The following FAM177A1 variants were observed in gnomAD, a reference collection of about 807,000 sequenced individuals.
The protein encoded by FAM177A1 is protein FAM177A1.
FAM177A1 carries 22 observed loss-of-function variants against 26.1 expected under a neutral mutation model. That is an observed-to-expected ratio of 0.84 (90% confidence interval 0.60 to 1.20). FAM177A1 has a LOEUF of 1.20. Ranked by LOEUF, FAM177A1 falls within the 50% of genes most tolerant of loss-of-function variation. The probability of loss-of-function intolerance (pLI) is 0.00; values close to 1 mark genes in which losing one functional copy is unlikely to be tolerated. For synonymous variants in FAM177A1, 95 were observed against 99.3 expected, an observed-to-expected ratio of 0.96 and a Z score of 0.26; for missense variants, 296 against 291.1, an observed-to-expected ratio of 1.02 and a Z score of -0.12.
chr14:35,053,061 A>T lies in FAM177A1; in HGVS notation c.166-217A>T, dbSNP rs10135138. 2.7e-3 allele frequency: 1,260 copies of T among 465,332 alleles called. 18 individuals are homozygous for T. The highest frequency in any genetic ancestry group is 0.023 in the African/African-American group (1,149 of 50,528). The allele number at this position is 465,332 out of a possible 1,614,324, so 28.8% of individuals were successfully genotyped here. On this transcript the variant is annotated intron_variant, in intron 1 of 4. Transcript: ENST00000280987. The stretch of plus-strand genomic sequence containing the variant: ...ATACAATGCTGATAATCTGCTTTCC[A>T]GATTTGGTTTACAAATGGTGGGTTT...
chr14:35,053,731 C>G (rs1436604104), intron 2 of FAM177A1, among the ~76,000 whole-genome samples: 1 of 152,262 alleles, frequency 6.6e-6, no homozygotes, highest in East Asian at 1.9e-4. Context: ...GTGGCTCACA[C>G]CTGTAATCCC....
intron 2 of FAM177A1, among the ~76,000 whole-genome samples, chr14:35,061,625 A>G (rs1259010864): frequency 4.5e-3 from 135 of 30,058 alleles, no homozygotes; most frequent in Admixed American, 8.0e-3. Context: ...GGGTGGGGGG[A>G]GGGGGGAGGG....
intron 2 of FAM177A1, among the ~76,000 whole-genome samples, chr14:35,069,537 G>A (rs1009903825): frequency 1.3e-5 from 2 of 151,742 alleles, no homozygotes; most frequent in Admixed American, 1.3e-4. Flanking sequence ...TGCCTGCCTC[G>A]GCCTCCCAAA....
chr14:35,051,446 T>C (rs1019915513), intron 1 of FAM177A1, among the ~76,000 whole-genome samples: 1 of 152,138 alleles, frequency 6.6e-6, no homozygotes, highest in African/African-American at 2.4e-5. Flanking sequence ...ACAGTCTGGC[T>C]CTGTTGCCCA....
At chr14:35,046,748 C>T (rs2044872899) in intron 1 of FAM177A1, 120 bp downstream of exon 1, 1 of 1,345,658 alleles carries the variant, frequency 7.4e-7, no homozygotes, top group Non-Finnish European at 9.8e-7. Context: ...CTTTGGAGTT[C>T]CTCCTCACTG....
chr14:35,070,801 AATTAT>A (rs1204065775), intron 2 of FAM177A1, among the ~76,000 whole-genome samples: 1 of 152,132 alleles, frequency 6.6e-6, no homozygotes, highest in African/African-American at 2.4e-5. Flanking sequence ...TTAATATTAT[AATTAT>A]ATTAATATGA....
At chr14:35,046,075 C>T (rs1024376490), upstream of FAM177A1, 2 of 167,866 alleles carry the variant, frequency 1.2e-5, no homozygotes, top group African/African-American at 4.8e-5. Flanking sequence ...TGCGGGGTGA[C>T]TGCCCCAGAC....
upstream of FAM177A1, chr14:35,046,169 C>T (rs1021139034): frequency 3.8e-6 from 1 of 261,184 alleles, no homozygotes; most frequent in Non-Finnish European, 7.2e-6. Context: ...CGGTGCCAGG[C>T]GGGGATCCAC....
intron 3 of FAM177A1, 125 bp downstream of exon 3, chr14:35,077,341 G>A: frequency 2.4e-6 from 2 of 817,766 alleles, no homozygotes; most frequent in Non-Finnish European, 4.2e-6. Flanking sequence ...GTCCTCAAGA[G>A]CTAGCTAGCA....
At chr14:35,059,177 G>A (rs537226495) in intron 2 of FAM177A1, among the ~76,000 whole-genome samples, 170 of 151,940 alleles carry the variant, frequency 1.1e-3, no homozygotes, top group Non-Finnish European at 2.2e-3. Flanking sequence ...CACCTGCCTC[G>A]GCCTCCCAAA....
At chr14:35,066,248 TG>T (rs1239313490) in intron 2 of FAM177A1, among the ~76,000 whole-genome samples, 1 of 151,588 alleles carries the variant, frequency 6.6e-6, no homozygotes, top group Non-Finnish European at 1.5e-5. Flanking sequence ...TAAAATTTTT[TG>T]TAGAGATAAG....
intron 2 of FAM177A1, among the ~76,000 whole-genome samples, chr14:35,072,642 G>C (rs182914573): frequency 6.6e-6 from 1 of 152,148 alleles, no homozygotes. Flanking sequence ...AAGAAGTCAA[G>C]TAGTCTTGAA....
In FAM177A1 at chr14:35,082,882, A is replaced by G. The variant is rs2045507781; in HGVS notation, c.*1654A>G. ...TTGAAGGATAATTAAACTTTTCATT[A>G]GGAGTGTTCAGCTACATGGATTCAT... On this transcript the variant is annotated 3_prime_UTR_variant, in exon 5 of 5. Transcript: ENST00000280987. 1 of 152,218 alleles carries G rather than the reference A, an allele frequency of 6.6e-6. No individual in the cohort carries two copies. Among genetic ancestry groups the G allele is most frequent in the Non-Finnish European group, 1.5e-5 (1 of 68,032 alleles). The allele number at this position is 152,218 out of a possible 1,614,324, so 9.4% of individuals were successfully genotyped here.
intron 2 of FAM177A1, among the ~76,000 whole-genome samples, chr14:35,072,782 C>T (rs932181586): frequency 2.6e-5 from 4 of 152,218 alleles, no homozygotes; most frequent in Middle Eastern, 3.4e-3. Flanking sequence ...CTGTTAATAT[C>T]TCTGGTGTTG....
intron 2 of FAM177A1, among the ~76,000 whole-genome samples, chr14:35,066,036 A>G (rs903441815): frequency 6.6e-6 from 1 of 151,834 alleles, no homozygotes; most frequent in African/African-American, 2.4e-5. Flanking sequence ...GTCTGATAAT[A>G]TGAAAATCGT....
At chr14:35,063,606 G>C (rs1595047003) in intron 2 of FAM177A1, among the ~76,000 whole-genome samples, 1 of 152,022 alleles carries the variant, frequency 6.6e-6, no homozygotes, top group African/African-American at 2.4e-5. Flanking sequence ...TTTCTCCATA[G>C]TTCCTATTTA....
At chr14:35,067,842 G>C (rs562043230) in intron 2 of FAM177A1, among the ~76,000 whole-genome samples, 19 of 152,218 alleles carry the variant, frequency 1.2e-4, no homozygotes, top group Admixed American at 3.9e-4. Context: ...AGAAGTATCT[G>C]TTCAGGTCCT....
At chr14:35,064,546 TAATG>T (rs1229517443) in intron 2 of FAM177A1, among the ~76,000 whole-genome samples, 1 of 152,080 alleles carries the variant, frequency 6.6e-6, no homozygotes, top group Admixed American at 6.5e-5. Flanking sequence ...CTAATAAAGT[TAATG>T]AAGAATTTAT....
chr14:35,048,101 G>A (rs2044902937), intron 1 of FAM177A1, among the ~76,000 whole-genome samples: 1 of 152,086 alleles, frequency 6.6e-6, no homozygotes, highest in East Asian at 1.9e-4. Context: ...ACTTAAGAAG[G>A]GGATTCAGGG....
Sources: allele counts gnomAD v4.1 joint callset (sites outside exome capture counted in the v4.1 genomes callset), GRCh38; gene constraint gnomAD v4.1.1; transcripts MANE v1.5; gene names NCBI Gene and HGNC (gene_info 2026-07-23, HGNC 2026-07-21).